The following TBL1XR1 variants were observed in gnomAD, a reference collection of about 807,000 sequenced individuals.
TBL1XR1 encodes F-box-like/WD repeat-containing protein TBL1XR1.
TBL1XR1 carries 5 observed loss-of-function variants against 66.9 expected under a neutral mutation model. That is an observed-to-expected ratio of 0.07 (90% CI 0.04 to 0.16). The LOEUF (loss-of-function observed/expected upper bound fraction) is 0.16, where lower values mean the gene tolerates loss of function less well. TBL1XR1 is among the 10% of genes least tolerant of loss of function. The pLI is 1.00. For synonymous variants in TBL1XR1, 210 were observed against 206.0 expected (o/e 1.02, Z -0.17); for missense variants, 238 against 623.2 (o/e 0.38, Z 6.58).
intron 2 of TBL1XR1, among the ~76,000 whole-genome samples, chr3:177,096,335 T>C (rs6808228): frequency 0.17 from 25,763 of 150,066 alleles, 2,503 homozygotes; most frequent in Admixed American, 0.27. Context: ...CATACATACA[T>C]ACACACACAC....
intron 2 of TBL1XR1, among the ~76,000 whole-genome samples, chr3:177,066,162 A>T (rs998953461): frequency 4.5e-4 from 69 of 152,258 alleles, no homozygotes; most frequent in African/African-American, 1.3e-3. Context: ...CAGATTTTTT[A>T]AAAAAATCAA....
At chr3:177,134,532 G>C (rs1411465837) in intron 1 of TBL1XR1, among the ~76,000 whole-genome samples, 1 of 152,172 alleles carries the variant, frequency 6.6e-6, no homozygotes, top group Non-Finnish European at 1.5e-5. Context: ...AAAACAATCA[G>C]TTATAGGCAA....
chr3:177,039,513 C>T (rs1715278594), intron 10 of TBL1XR1, among the ~76,000 whole-genome samples: 1 of 152,140 alleles, frequency 6.6e-6, no homozygotes, highest in African/African-American at 2.4e-5. Flanking sequence ...AATCAAATGC[C>T]CCTTAAAATC....
At chr3:177,067,971 C>T (rs1422165822) in intron 2 of TBL1XR1, among the ~76,000 whole-genome samples, 1 of 152,176 alleles carries the variant, frequency 6.6e-6, no homozygotes, top group African/African-American at 2.4e-5. Flanking sequence ...CACTATAGTT[C>T]CTCCATTCTG....
At chr3:177,073,997 G>A (rs183870494) in intron 2 of TBL1XR1, among the ~76,000 whole-genome samples, 2 of 152,168 alleles carry the variant, frequency 1.3e-5, no homozygotes, top group African/African-American at 2.4e-5. Context: ...ATGGGGTAGC[G>A]TTCTTTACCA....
intron 1 of TBL1XR1, among the ~76,000 whole-genome samples, chr3:177,152,899 A>G (rs1409821053): frequency 6.6e-6 from 1 of 152,168 alleles, no homozygotes; most frequent in Non-Finnish European, 1.5e-5. Context: ...GCTACCCAAC[A>G]GAACCACACT....
chr3:177,193,438 G>C (rs1397006825), intron 1 of TBL1XR1, among the ~76,000 whole-genome samples: 2 of 151,966 alleles, frequency 1.3e-5, no homozygotes, highest in African/African-American at 4.8e-5. Context: ...AGCCTCCCGA[G>C]TAGCTGGGAC....
rs1337084570 is a variant in TBL1XR1 at position 177,023,444 on chromosome 3, C to G, written c.*2054G>C. The G allele has an allele frequency of 6.6e-6, 1 of 152,434 alleles. No individual in the cohort carries two copies. Among genetic ancestry groups the G allele is most frequent in the Non-Finnish European group, 1.5e-5 (1 of 67,968 alleles). 9.4% of individuals were successfully genotyped at this position (152,434 alleles called of 1,614,324 possible). A position where few individuals can be genotyped will look rare whatever the true frequency, so the allele number is the denominator to read the frequency against. Reference sequence around the variant, plus strand: ...AGCATATTAGGTTTCCTACGTAAGTCACAGGGTAATATGTTCTAAATATCT... The same window carrying G: ...AGCATATTAGGTTTCCTACGTAAGTGACAGGGTAATATGTTCTAAATATCT... On this transcript the variant is annotated 3_prime_UTR_variant, in exon 16 of 16. Transcript: ENST00000457928.
intron 1 of TBL1XR1, among the ~76,000 whole-genome samples, chr3:177,111,694 A>G (rs1577199863): frequency 6.6e-6 from 1 of 151,988 alleles, no homozygotes; most frequent in East Asian, 1.9e-4. Context: ...ACCTTCCCAA[A>G]CCAGGTGCAG....
intron 2 of TBL1XR1, among the ~76,000 whole-genome samples, chr3:177,075,746 C>T (rs1321902558): frequency 6.6e-6 from 1 of 152,168 alleles, no homozygotes; most frequent in African/African-American, 2.4e-5. Context: ...GGCTGCCAAA[C>T]TTCTATTTAA....
rs549913840 is a variant in TBL1XR1, at chr3:177,043,938, A to C, written c.925+2191T>G. On this transcript the variant is annotated intron_variant, in intron 10 of 15. Coordinates refer to ENST00000457928, the MANE Select transcript of TBL1XR1 (RefSeq NM_024665.7). Reference sequence around the variant, plus strand: ...AATTTTAAATGGGCTAAATAATCTTATTTTCTGCCCCTCTTCCCTCCCCTA... The same window carrying C: ...AATTTTAAATGGGCTAAATAATCTTCTTTTCTGCCCCTCTTCCCTCCCCTA... Among the ~76,000 whole-genome samples the C allele has an allele frequency of 2.0e-5, 3 of 152,076 alleles. No individual in the cohort carries two copies. The South Asian group carries it at 6.2e-4, about 32-fold the overall frequency.
intron 3 of TBL1XR1, among the ~76,000 whole-genome samples, chr3:177,057,352 T>C (rs1204503348): frequency 6.6e-6 from 1 of 152,222 alleles, no homozygotes; most frequent in African/African-American, 2.4e-5. Flanking sequence ...GTGGCTATGG[T>C]TGTTTGCCTG....
At chr3:177,063,068 A>G (rs1718722030) in intron 3 of TBL1XR1, among the ~76,000 whole-genome samples, 1 of 152,102 alleles carries the variant, frequency 6.6e-6, no homozygotes, top group Admixed American at 6.6e-5. Context: ...CGCCGCCGAG[A>G]TCACGCCACT....
At chr3:177,112,452 G>C (rs1725772141) in intron 1 of TBL1XR1, among the ~76,000 whole-genome samples, 1 of 151,880 alleles carries the variant, frequency 6.6e-6, no homozygotes, top group Non-Finnish European at 1.5e-5. Context: ...TTGATCATAG[G>C]ACAGTTAAAG....
rs1463611363 is a variant in TBL1XR1, at chr3:177,186,983, G to A, written c.-122+10138C>T. On this transcript the variant is annotated intron_variant, in intron 1 of 15. Coordinates refer to ENST00000457928, the MANE Select transcript of TBL1XR1 (RefSeq NM_024665.7). ...AGATCGAGACCATCCCGGCTAACAG[G>A]ATGAAACCCCGTCTCTCCTAAAAAC... Among the ~76,000 whole-genome samples, 6 of 152,178 alleles carry A rather than the reference G, an allele frequency of 3.9e-5. No individual in the cohort carries two copies. The East Asian group carries it at 7.7e-4, about 20-fold the overall frequency.
At chr3:177,049,315 T>C (rs1466792151) in intron 7 of TBL1XR1, among the ~76,000 whole-genome samples, 1 of 152,136 alleles carries the variant, frequency 6.6e-6, no homozygotes, top group Non-Finnish European at 1.5e-5. Flanking sequence ...TCTAAGAGTT[T>C]TGGGGGAGGG....
chr3:177,119,240 T>C (rs1255315683), intron 1 of TBL1XR1, among the ~76,000 whole-genome samples: 2 of 152,176 alleles, frequency 1.3e-5, no homozygotes, highest in Non-Finnish European at 1.5e-5. Flanking sequence ...CCCAAAGTGC[T>C]GGGATTACAG....
chr3:177,188,477 G>A (rs541661851), intron 1 of TBL1XR1, among the ~76,000 whole-genome samples: 34 of 152,164 alleles, frequency 2.2e-4, no homozygotes, highest in Middle Eastern at 6.8e-3. Context: ...AACCTGGGAG[G>A]TGGAGGGTGC....
chr3:177,098,878 T>C (rs1723836047), intron 1 of TBL1XR1, among the ~76,000 whole-genome samples: 1 of 152,218 alleles, frequency 6.6e-6, no homozygotes, highest in Non-Finnish European at 1.5e-5. Flanking sequence ...TCTATAATCA[T>C]GGGCCACCAA....
Sources: gnomAD v4.1 joint callset for allele counts (sites outside exome capture counted in the v4.1 genomes callset) on GRCh38, gnomAD v4.1.1 for gene constraint, MANE v1.5 for transcripts, NCBI Gene and HGNC (gene_info 2026-07-23, HGNC 2026-07-21) for gene names.